The following EPN2 variants were observed in gnomAD, a reference collection of about 807,000 sequenced individuals.
EPN2 encodes epsin-2.
Under a neutral mutation model 61.7 loss-of-function variants are expected in EPN2, and 34 were observed. That is an observed-to-expected ratio of 0.55 (90% CI 0.42 to 0.73). EPN2 has a LOEUF of 0.73. EPN2 is among the 30% of genes least tolerant of loss of function. EPN2 has a pLI of 0.00. For missense variants in EPN2, 714 were observed against 839.2 expected (o/e 0.85, Z 1.84); for synonymous variants, 349 against 353.6 (o/e 0.99, Z 0.15).
intron 9 of EPN2, among the ~76,000 whole-genome samples, chr17:19,330,865 G>A (rs1055751602): frequency 2.0e-5 from 3 of 152,168 alleles, no homozygotes; most frequent in Non-Finnish European, 2.9e-5. Context: ...AGATGTGGTC[G>A]TGTGCACCTG....
chr17:19,304,181 C>A (rs148935646), intron 4 of EPN2, among the ~76,000 whole-genome samples: 75 of 152,296 alleles, frequency 4.9e-4, no homozygotes, highest in African/African-American at 1.7e-3. Context: ...TAAAAGCAGC[C>A]TTCCCAGCAT....
chr17:19,322,911 G>C (rs1906708978), intron 7 of EPN2, among the ~76,000 whole-genome samples: 3 of 152,190 alleles, frequency 2.0e-5, no homozygotes. Flanking sequence ...TCCTTGAGCA[G>C]CAGAGCTGGG....
chr17:19,282,746 T>G (rs2045370205), intron 2 of EPN2: 1 of 169,370 alleles, frequency 5.9e-6, no homozygotes, highest in Non-Finnish European at 1.3e-5. Context: ...TGATGTTTAC[T>G]TCTTTTCTCC....
chr17:19,286,201 T>C (rs543202394), intron 4 of EPN2, among the ~76,000 whole-genome samples: 1 of 152,278 alleles, frequency 6.6e-6, no homozygotes, highest in Admixed American at 6.5e-5. Context: ...CAGACAAATA[T>C]AAGATCCTCA....
intron 1 of EPN2, among the ~76,000 whole-genome samples, chr17:19,239,211 G>A (rs1294173900): frequency 4.6e-5 from 7 of 152,156 alleles, no homozygotes; most frequent in Non-Finnish European, 8.8e-5. Context: ...GCAGTGGCAC[G>A]ATCTCGGCTC....
intron 7 of EPN2, among the ~76,000 whole-genome samples, chr17:19,317,511 C>G (rs546213925): frequency 5.3e-5 from 8 of 152,300 alleles, no homozygotes; most frequent in Admixed American, 3.3e-4. Flanking sequence ...GCACCACCCC[C>G]CCGCGTTGTG....
intron 1 of EPN2, among the ~76,000 whole-genome samples, chr17:19,264,072 AC>A: frequency 6.6e-6 from 1 of 152,156 alleles, no homozygotes; most frequent in Non-Finnish European, 1.5e-5. Flanking sequence ...AGTGCTGGAA[AC>A]GCGCCCCTTT....
chr17:19,316,697 T>C (rs572609834), intron 7 of EPN2, among the ~76,000 whole-genome samples: 52 of 152,374 alleles, frequency 3.4e-4, no homozygotes, highest in African/African-American at 1.2e-3. Context: ...CAATTTGTAG[T>C]GTCATGAGCA....
chr17:19,290,027 A>G (rs186532266), intron 4 of EPN2, among the ~76,000 whole-genome samples: 22 of 152,024 alleles, frequency 1.4e-4, no homozygotes, highest in Admixed American at 1.4e-3. Flanking sequence ...AGCCTCTGGC[A>G]CTCATGTTTA....
intron 1 of EPN2, among the ~76,000 whole-genome samples, chr17:19,271,376 G>T (rs527990749): frequency 4.6e-5 from 7 of 152,324 alleles, no homozygotes; most frequent in Admixed American, 3.3e-4. Context: ...AGAATGCAAG[G>T]CAGGAGCCAC....
At position 19,304,592 on chromosome 17, in the gene EPN2, C is replaced by T. The variant is rs1448787091; in HGVS notation, c.767-5293C>T. ...TGGTCCCCATGGATGGAGGAAAGAG[C>T]ACCAGCTCAGGACAGGGCTGGAATC... On this transcript the variant is annotated intron_variant, in intron 4 of 10. Coordinates refer to ENST00000314728, the MANE Select transcript of EPN2 (RefSeq NM_014964.5). 7.9e-5 allele frequency among the ~76,000 whole-genome samples: 12 copies of T among 152,342 alleles called. No homozygotes were observed. In the East Asian group the frequency reaches 2.3e-3, roughly 29 times the overall value.
intron 1 of EPN2, among the ~76,000 whole-genome samples, chr17:19,255,436 C>CTCTA (rs368890918): frequency 7.2e-6 from 1 of 138,264 alleles, no homozygotes; most frequent in Non-Finnish European, 1.6e-5. Flanking sequence ...TCTTCATTTA[C>CTCTA]TTTATTTATT....
chr17:19,328,855 C>T lies in EPN2; in HGVS notation c.1292C>T (p.Ala431Val). Reference protein sequence around the residue: ...AGKRASDAWGAVSTTKPVSVS... With the variant: ...AGKRASDAWGVVSTTKPVSVS... ...AAAAGAGCTTCTGACGCGTGGGGCG[C>T]AGTCTCCACCACCAAGCCCGTGTCT... The change falls in exon 8 of 11, where the codon GCA (alanine) becomes GTA (valine). Residue 431 changes from alanine to valine, a missense_variant. Coordinates refer to ENST00000314728, the MANE Select transcript of EPN2 (RefSeq NM_014964.5). The T allele has an allele frequency of 6.2e-7, 1 of 1,613,062 alleles. No homozygotes were observed. Among genetic ancestry groups the T allele is most frequent in the South Asian group, 1.1e-5 (1 of 90,814 alleles).
Position 19,306,552 on chromosome 17 carries a change from T to C in EPN2, c.767-3333T>C, listed in dbSNP as rs1905852932. The stretch of plus-strand genomic sequence containing the variant: ...CCAGTATGTGCCAGCTGTGCGTTAT[T>C]CTAACAGTGTCAGTTATGGTAGACG... On this transcript the variant is annotated intron_variant, in intron 4 of 10. Coordinates refer to ENST00000314728, the MANE Select transcript of EPN2 (RefSeq NM_014964.5). 2.0e-5 allele frequency among the ~76,000 whole-genome samples: 3 copies of C among 152,382 alleles called. No individual in the cohort carries two copies. The South Asian group carries it at 6.2e-4, about 32-fold the overall frequency.
At chr17:19,309,072 T>C (rs888254663) in intron 4 of EPN2, among the ~76,000 whole-genome samples, 1 of 151,880 alleles carries the variant, frequency 6.6e-6, no homozygotes, top group Non-Finnish European at 1.5e-5. Flanking sequence ...ATGTTTGGGG[T>C]CACTGCAGAA....
Position 19,309,339 on chromosome 17 carries a change from C to T in EPN2, c.767-546C>T, listed in dbSNP as rs145569469. Among the ~76,000 whole-genome samples the T allele has an allele frequency of 7.3e-3, 1,110 of 152,230 alleles. 13 individuals carry two copies. Among genetic ancestry groups the T allele is most frequent in the African/African-American group, 0.025 (1,051 of 41,514 alleles). On this transcript the variant is annotated intron_variant, in intron 4 of 10. Coordinates refer to ENST00000314728, the MANE Select transcript of EPN2 (RefSeq NM_014964.5). ...AGAGATGGCGTTTCACCATGTTGGC[C>T]AGGATGGTCTCGATCTCTTGACCTT...
Position 19,283,288 on chromosome 17 carries a change from A to T in EPN2, c.169A>T (p.Met57Leu). 6.2e-7 allele frequency: 1 copy of T among 1,614,144 alleles called. No individual in the cohort carries two copies. Among genetic ancestry groups the T allele is most frequent in the Non-Finnish European group, 8.5e-7 (1 of 1,180,024 alleles). Residue 57 changes from methionine (M) to leucine (L), a missense_variant, in exon 3 of 11, where the codon ATG (methionine) becomes TTG (leucine). Around this residue, in one of 2 missense-constraint regions of EPN2, gnomAD observed 304 missense variants for 417.4 expected, o/e 0.73. Transcript: ENST00000314728. The surrounding 1 kb of genome is among the most constrained non-coding windows in gnomAD (Gnocchi z 7.0). ...TYNVVAFSEIMSMVWKRLNDH... is the reference protein window; with the variant it reads ...TYNVVAFSEILSMVWKRLNDH... ...CAACGTGGTGGCCTTCTCGGAGATC[A>T]TGAGCATGGTGTGGAAGCGGCTGAA...
At position 19,285,072 on chromosome 17, in the gene EPN2, C is replaced by T. The variant is rs1490976137; in HGVS notation, c.596-548C>T. On this transcript the variant is annotated intron_variant, in intron 3 of 10. Coordinates refer to ENST00000314728, the MANE Select transcript of EPN2 (RefSeq NM_014964.5). This position sits in a 1 kb window ranked among gnomAD's most constrained non-coding sequence, Gnocchi z 4.5. ...TTGTTTTATTTCTCTCAAGGATCCT[C>T]TTACCAACCCCCAGAGAGGCTCTCT... 6.6e-6 allele frequency among the ~76,000 whole-genome samples: 1 copy of T among 152,234 alleles called. No individual in the cohort carries two copies. Among genetic ancestry groups the T allele is most frequent in the African/African-American group, 2.4e-5 (1 of 41,464 alleles).
chr17:19,258,712 G>A (rs564010025), intron 1 of EPN2, among the ~76,000 whole-genome samples: 2 of 152,292 alleles, frequency 1.3e-5, no homozygotes, highest in South Asian at 4.1e-4. Flanking sequence ...GGGGCCCTTG[G>A]CGTCGATGCT....
Sources: gnomAD v4.1 joint callset for allele counts (sites outside exome capture counted in the v4.1 genomes callset) on GRCh38, gnomAD v4.1.1 for gene constraint, gnomAD v4.1.1 regional missense constraint, Gnocchi (gnomAD v3.1) non-coding constraint, MANE v1.5 for transcripts, NCBI Gene and HGNC (gene_info 2026-07-23, HGNC 2026-07-21) for gene names.